SPTA1: variants seen among roughly 807,000 people sequenced by gnomAD.
SPTA1 encodes the protein spectrin alpha chain, erythrocytic 1.
In SPTA1, 177 loss-of-function variants were observed where a neutral mutation model predicts 324.7. That is an observed-to-expected ratio of 0.55 (90% CI 0.48 to 0.62). The LOEUF is 0.62. SPTA1 is among the 20% of genes least tolerant of loss of function. SPTA1 has a pLI of 0.00. For synonymous variants in SPTA1, 1,195 were observed against 1,041.3 expected, an observed-to-expected ratio of 1.15 and a Z score of -2.84; for missense variants, 3,162 against 2,883.6, an observed-to-expected ratio of 1.10 and a Z score of -2.21.
intron 18 of SPTA1, among the ~76,000 whole-genome samples, chr1:158,660,195 G>A (rs917088455): frequency 1.3e-5 from 2 of 152,108 alleles, no homozygotes; most frequent in Non-Finnish European, 2.9e-5. Flanking sequence ...TGCACTAAGT[G>A]TAAATTGTCT....
intron 15 of SPTA1, among the ~76,000 whole-genome samples, chr1:158,667,016 A>C (rs1290516463): frequency 2.0e-5 from 3 of 152,166 alleles, no homozygotes; most frequent in Admixed American, 2.0e-4. Context: ...CTCTGCTCAG[A>C]TTGATTCTGT....
At chr1:158,683,327 C>A in intron 3 of SPTA1, 44 bp downstream of exon 3, 1 of 1,612,034 alleles carries the variant, frequency 6.2e-7, no homozygotes, top group Non-Finnish European at 8.5e-7. Context: ...ACCCTGATAA[C>A]ATAATCAATA....
intron 18 of SPTA1, among the ~76,000 whole-genome samples, chr1:158,660,930 C>T (rs879435098): frequency 6.6e-6 from 1 of 152,182 alleles, no homozygotes; most frequent in Non-Finnish European, 1.5e-5. Flanking sequence ...TCTGCCTTCA[C>T]AGATCTGGAA....
chr1:158,612,725 G>T (rs2101744466), intron 51 of SPTA1, 92 bp downstream of exon 51: 2 of 1,425,908 alleles, frequency 1.4e-6, no homozygotes, highest in Non-Finnish European at 2.0e-6. Flanking sequence ...AAAACAAGTG[G>T]GTGGGTTTTT....
intron 27 of SPTA1, 104 bp downstream of exon 27, chr1:158,647,435 G>A (rs1278721162): frequency 4.2e-5 from 59 of 1,418,494 alleles, no homozygotes; most frequent in African/African-American, 1.7e-4. Flanking sequence ...AGACTTAAAC[G>A]TAGTGATGCC....
In SPTA1 at chr1:158,652,648, C is replaced by G; in HGVS notation, c.3194G>C (p.Arg1065Pro). Residue 1065 changes from arginine (R) to proline (P), a missense_variant, in exon 23 of 52, where the codon CGC becomes CCC. Arg to Pro is a moderately radical substitution (Grantham distance 103, BLOSUM62 -2). Transcript: ENST00000643759. Reference protein sequence around the residue: ...QRQEQIENQYRSLLDRAEERR... With the variant: ...QRQEQIENQYPSLLDRAEERR... ...TTCTTCTGCCCGATCCAAGAGGGAGCGGTATCTGGATGGAGAATTGGGAAA... is the reference window on the plus strand; with the variant it reads ...TTCTTCTGCCCGATCCAAGAGGGAGGGGTATCTGGATGGAGAATTGGGAAA... 6.2e-7 allele frequency: 1 copy of G among 1,613,590 alleles called. No homozygotes were observed.
chr1:158,620,840 G>GAAAAAAAAAAAAAAA (rs200959019), intron 43 of SPTA1: 4 of 89,512 alleles, frequency 4.5e-5, no homozygotes, highest in Admixed American at 1.1e-4. Flanking sequence ...TAGTAAACAT[G>GAAAAAAAAAAAAAAA]AAAAAAAAAA....
chr1:158,632,382 T>C (rs1035628253), intron 39 of SPTA1, among the ~76,000 whole-genome samples: 2 of 152,162 alleles, frequency 1.3e-5, no homozygotes, highest in South Asian at 2.1e-4. Context: ...ATTGTACCTA[T>C]AGTCAACAAT....
chr1:158,626,515 G>A (rs1650282415), intron 41 of SPTA1, among the ~76,000 whole-genome samples: 1 of 152,094 alleles, frequency 6.6e-6, no homozygotes. Flanking sequence ...ATTTTAGATT[G>A]TTTCTTAGAA....
In SPTA1 at chr1:158,645,320, T is replaced by A; in HGVS notation, c.4062A>T (p.Glu1354Asp). The A allele has an allele frequency of 6.2e-7, 1 of 1,614,076 alleles. No homozygotes were observed. Among genetic ancestry groups the A allele is most frequent in the Non-Finnish European group, 8.5e-7 (1 of 1,179,966 alleles). ...TFQALEDFSA[E>D]LIDSGHHASP... Reference sequence around the variant, plus strand: ...TAGCATGGTGCCCACTGTCGATAAGTTCTGCACTGAAGTCCTCTAAGGCCT... The same window carrying A: ...TAGCATGGTGCCCACTGTCGATAAGATCTGCACTGAAGTCCTCTAAGGCCT... The change falls in exon 29 of 52, where the codon GAA becomes GAT. Residue 1354 changes from glutamate to aspartate, a missense_variant. Transcript: ENST00000643759.
intron 29 of SPTA1, among the ~76,000 whole-genome samples, chr1:158,644,680 G>A (rs1014268898): frequency 1.6e-4 from 24 of 151,980 alleles, no homozygotes; most frequent in Admixed American, 1.5e-3. Context: ...TTTGTGAAAC[G>A]TTATCCTTCA....
intron 16 of SPTA1, among the ~76,000 whole-genome samples, chr1:158,663,151 G>A (rs185540123): frequency 3.3e-5 from 5 of 152,118 alleles, no homozygotes; most frequent in African/African-American, 1.2e-4. Context: ...TACGAAAGTA[G>A]TTCTCAAAAC....
chr1:158,618,327 T>G (rs1184301344), intron 45 of SPTA1, among the ~76,000 whole-genome samples: 50 of 152,222 alleles, frequency 3.3e-4, no homozygotes, highest in Admixed American at 3.2e-3. Context: ...CAGGATGTGA[T>G]GAAGTCACCA....
chr1:158,616,601 A>G (rs994043771), intron 47 of SPTA1, among the ~76,000 whole-genome samples: 3 of 152,214 alleles, frequency 2.0e-5, no homozygotes, highest in Admixed American at 2.0e-4. Context: ...TTAATGGACA[A>G]ATAATATTCC....
chr1:158,626,138 A>AATC lies in SPTA1; in HGVS notation c.5910+5_5910+7dup. On this transcript the variant is annotated splice_region_variant and intron_variant, in intron 42 of 51. Transcript: ENST00000643759. ...GTCTTGGGCTTACCTAACATCTATCAATCTCACCTGTTTTGCCAGAAGAGT... is the reference window on the plus strand; with the variant it reads ...GTCTTGGGCTTACCTAACATCTATCAATCATCTCACCTGTTTTGCCAGAAGAGT... 1 of 1,613,002 alleles carries AATC rather than the reference A, an allele frequency of 6.2e-7. No homozygotes were observed.
chr1:158,613,582 G>T, intron 50 of SPTA1, 139 bp downstream of exon 50: 1 of 1,212,772 alleles, frequency 8.2e-7, no homozygotes, highest in Non-Finnish European at 1.2e-6. Context: ...ACCAAGAGCT[G>T]CCTAATTCAT....
At chr1:158,635,794 G>A (rs1651023447) in intron 38 of SPTA1, 119 bp downstream of exon 38, 1 of 1,452,272 alleles carries the variant, frequency 6.9e-7, no homozygotes, top group Non-Finnish European at 9.6e-7. Flanking sequence ...GGGACTTAAG[G>A]AGATAGATAG....
In SPTA1 at chr1:158,681,596, C is replaced by A; in HGVS notation, c.462G>T (p.Leu154Phe). The A allele has an allele frequency of 6.2e-7, 1 of 1,613,714 alleles. No homozygotes were observed. The highest frequency in any genetic ancestry group is 8.5e-7 in the Non-Finnish European group (1 of 1,179,822). ...LELTLEKGDQ[L>F]LRALKFQQYV... Reference sequence around the variant, plus strand: ...ACTGCTGGAACTTCAGGGCCCGCAGCAACTGGTCACCCTTCTCCAGGGTCA... The same window carrying A: ...ACTGCTGGAACTTCAGGGCCCGCAGAAACTGGTCACCCTTCTCCAGGGTCA... Residue 154 changes from leucine to phenylalanine, a missense_variant, in exon 4 of 52, where the codon TTG becomes TTT. Physicochemically the swap from Leu to Phe is conservative, Grantham distance 22. Transcript: ENST00000643759.
In SPTA1 at chr1:158,634,616, T is replaced by G. The variant is rs1650922507; in HGVS notation, c.5492A>C (p.Glu1831Ala). 1.2e-6 allele frequency: 2 copies of G among 1,614,084 alleles called. 1 individual carries two copies. Among genetic ancestry groups the G allele is most frequent in the South Asian group, 2.2e-5 (2 of 91,082 alleles). ...YLQFMQNAEE[E>A]EAWINEKNAL... ...ATTCTTTTCATTGATCCAAGCTTCC[T>G]CTTCCTCAGCATTCTGCATGAATTG... The change falls in exon 39 of 52, where the codon GAG becomes GCG. Residue 1831 changes from glutamate (E) to alanine (A), a missense_variant. Glu to Ala is a moderately radical substitution (Grantham distance 107). Coordinates refer to ENST00000643759, the MANE Select transcript of SPTA1 (RefSeq NM_003126.4).
Sources: gnomAD v4.1 joint callset for allele counts (sites outside exome capture counted in the v4.1 genomes callset) on GRCh38, gnomAD v4.1.1 for gene constraint, MANE v1.5 for transcripts, NCBI Gene and HGNC (gene_info 2026-07-23, HGNC 2026-07-21) for gene names.